Variants in LBP observed in about 807,000 individuals in gnomAD.
LBP encodes lipopolysaccharide binding protein, also known as lipopolysaccharide-binding protein.
A neutral mutation model predicts 56.6 loss-of-function variants in LBP; 53 were observed. That is an observed-to-expected ratio of 0.94 (90% CI 0.75 to 1.18). The LOEUF is 1.18. Ranked by LOEUF, LBP falls within the 50% of genes most tolerant of loss-of-function variation. The probability of loss-of-function intolerance (pLI) is 0.00; values close to 1 mark genes in which losing one functional copy is unlikely to be tolerated. For synonymous variants in LBP, 227 were observed against 247.5 expected (o/e 0.92, Z 0.78); for missense variants, 601 against 598.3 (o/e 1.00, Z -0.05).
Position 38,374,618 on chromosome 20 carries a change from A to G in LBP, c.1401+605A>G, listed in dbSNP as rs2076911801. 6.6e-5 allele frequency among the ~76,000 whole-genome samples: 10 copies of G among 151,448 alleles called. No homozygotes were observed. In the South Asian group the frequency reaches 1.9e-3, roughly 28 times the overall value. On this transcript the variant is annotated intron_variant, in intron 14 of 14. Coordinates refer to ENST00000217407, the MANE Select transcript of LBP (RefSeq NM_004139.5). ...TCAAAAAAAAAAAAAAGAAAGAAAA[A>G]AAAAAGAAAGAAAATACTGTAAGTC...
rs374109956 is a variant in LBP, at chr20:38,366,782, C to T, written c.935C>T (p.Ser312Phe). Residue 312 changes from serine (S) to phenylalanine (F), a missense_variant, in exon 9 of 15, where the codon TCT becomes TTT. Transcript: ENST00000217407. ...SITDDMIPPD[S>F]NIRLTTKSFR... ...TCTTTGCTGCAGATACCGCCTGACTCTAATATCCGACTGACCACCAAGTCC... is the reference window on the plus strand; with the variant it reads ...TCTTTGCTGCAGATACCGCCTGACTTTAATATCCGACTGACCACCAAGTCC... The T allele has an allele frequency of 9.9e-6, 16 of 1,614,026 alleles. No homozygotes were observed. The highest frequency in any genetic ancestry group is 1.3e-5 in the African/African-American group (1 of 74,932).
At chr20:38,349,804 G>A (rs2076814424) in intron 2 of LBP, 142 bp downstream of exon 2, 3 of 611,620 alleles carry the variant, frequency 4.9e-6, no homozygotes, top group South Asian at 2.0e-5. Flanking sequence ...TCCCTGAAGA[G>A]CTCAGAAGGA....
intron 11 of LBP, 54 bp downstream of exon 11, chr20:38,370,859 C>A: frequency 7.2e-7 from 1 of 1,385,490 alleles, no homozygotes; most frequent in South Asian, 1.2e-5. Context: ...CATCTGTATG[C>A]TGTAGCTGCT....
At chr20:38,353,167 T>C (rs1030559136) in intron 3 of LBP, among the ~76,000 whole-genome samples, 2 of 152,226 alleles carry the variant, frequency 1.3e-5, no homozygotes, top group Admixed American at 6.5e-5. Flanking sequence ...TTTTAAAAAT[T>C]GATAGGAAAT....
intron 6 of LBP, among the ~76,000 whole-genome samples, chr20:38,361,976 A>G (rs889697718): frequency 4.6e-5 from 7 of 151,976 alleles, no homozygotes; most frequent in African/African-American, 1.7e-4. Context: ...TTCAAAAGCC[A>G]GAAGGCTTTC....
At chr20:38,359,506 T>C (rs2076852217) in intron 5 of LBP, among the ~76,000 whole-genome samples, 1 of 151,954 alleles carries the variant, frequency 6.6e-6, no homozygotes, top group African/African-American at 2.4e-5. Context: ...CACTTGAACC[T>C]GGGAGGCAGA....
chr20:38,361,386 C>T (rs1292504705), intron 6 of LBP, among the ~76,000 whole-genome samples: 1 of 151,922 alleles, frequency 6.6e-6, no homozygotes, highest in Non-Finnish European at 1.5e-5. Flanking sequence ...TGTTCATATA[C>T]ATATAGTATA....
rs1439501010 is a variant in LBP, at chr20:38,346,522, G to A, written c.6G>A (p.Gly2=). Residue 2 remains glycine (G), a synonymous_variant, in exon 1 of 15, where the codon GGG becomes GGA. Transcript: ENST00000217407. ...CACTGCACTGGGAATCTAGGATGGG[G>A]GCCTTGGCCAGAGCCCTGCCGTCCA... is the stretch of plus-strand genomic sequence containing the variant. M[G]ALARALPSIL... 6.2e-7 allele frequency: 1 copy of A among 1,613,468 alleles called. No individual in the cohort carries two copies. Among genetic ancestry groups the A allele is most frequent in the Non-Finnish European group, 8.5e-7 (1 of 1,179,886 alleles).
At chr20:38,371,389 C>A in intron 12 of LBP, 67 bp downstream of exon 12, 2 of 1,136,476 alleles carry the variant, frequency 1.8e-6, no homozygotes, top group Non-Finnish European at 2.6e-6. Context: ...TAAGCAATTG[C>A]TATGGCACCT....
intron 14 of LBP, among the ~76,000 whole-genome samples, chr20:38,376,089 T>C (rs1305124097): frequency 6.6e-6 from 1 of 152,218 alleles, no homozygotes; most frequent in East Asian, 1.9e-4. Flanking sequence ...TGTGATGATT[T>C]AGAGGGCAAG....
rs6025188 is a variant in LBP at position 38,365,005 on chromosome 20, C to T, written c.921+253C>T. Among the ~76,000 whole-genome samples, 3,128 of 152,162 alleles carry T rather than the reference C, an allele frequency of 0.021. 112 individuals carry two copies. Among genetic ancestry groups the T allele is most frequent in the African/African-American group, 0.071 (2,930 of 41,506 alleles). On this transcript the variant is annotated intron_variant, in intron 8 of 14. Coordinates refer to ENST00000217407, the MANE Select transcript of LBP (RefSeq NM_004139.5). ...ATCTCAGCACTTTGGGAGCCTGAGG[C>T]GGGCGGATCACTTGAGGTCAGGAGC... is the stretch of plus-strand genomic sequence containing the variant.
rs111633395 is a variant in LBP, at chr20:38,362,356, T to C, written c.652+1589T>C. ...TTGCAGGCGTGAGAGCTCACGCCTG[T>C]AATCCCAACATTTAGGGAGGCCGAG... On this transcript the variant is annotated intron_variant, in intron 6 of 14. Coordinates refer to ENST00000217407, the MANE Select transcript of LBP (RefSeq NM_004139.5). Among the ~76,000 whole-genome samples, 884 of 140,944 alleles carry C rather than the reference T, an allele frequency of 6.3e-3. 7 individuals carry two copies. The highest frequency in any genetic ancestry group is 0.022 in the African/African-American group (853 of 38,948). The allele number at this position is 140,944 out of a possible 152,430, so 92.5% of individuals were successfully genotyped here.
At chr20:38,352,382 T>C (rs887332098) in intron 3 of LBP, among the ~76,000 whole-genome samples, 1 of 150,578 alleles carries the variant, frequency 6.6e-6, no homozygotes, top group African/African-American at 2.5e-5. Flanking sequence ...ACTTGAAAAG[T>C]GCCTGGTACA....
chr20:38,355,767 A>C (rs887943340), intron 5 of LBP, among the ~76,000 whole-genome samples: 1 of 151,988 alleles, frequency 6.6e-6, no homozygotes, highest in African/African-American at 2.4e-5. Flanking sequence ...CCTGCAAGAG[A>C]CCAGGCAGGA....
chr20:38,365,709 A>AT (rs1238653413), intron 8 of LBP, among the ~76,000 whole-genome samples: 60 of 64,130 alleles, frequency 9.4e-4, no homozygotes, highest in Non-Finnish European at 1.5e-3. Context: ...AAAAAAAAAA[A>AT]AAAAAAAAAT....
chr20:38,360,369 G>A (rs1466977992), intron 5 of LBP, among the ~76,000 whole-genome samples: 1 of 152,146 alleles, frequency 6.6e-6, no homozygotes, highest in Non-Finnish European at 1.5e-5. Flanking sequence ...GAGAGGCCAG[G>A]ACCTCCCAAA....
chr20:38,347,643 T>C (rs1302923410), intron 1 of LBP, among the ~76,000 whole-genome samples: 1 of 152,202 alleles, frequency 6.6e-6, no homozygotes, highest in African/African-American at 2.4e-5. Context: ...GCATGGGAAC[T>C]GGGATATTTA....
At chr20:38,368,830 T>C (rs1354097719) in intron 9 of LBP, among the ~76,000 whole-genome samples, 165 bp from the exon 10 acceptor site, 1 of 152,140 alleles carries the variant, frequency 6.6e-6, no homozygotes, top group Non-Finnish European at 1.5e-5. Flanking sequence ...GTGTCTGACA[T>C]GGAGAGATGG....
chr20:38,349,398 C>T (rs1407895526), intron 1 of LBP, 150 bp from the exon 2 acceptor site: 1 of 652,272 alleles, frequency 1.5e-6, no homozygotes, highest in Non-Finnish European at 2.8e-6. Flanking sequence ...TGCTACCTGG[C>T]ACACAGAGGG....
Sources: gnomAD v4.1 joint callset for allele counts (sites outside exome capture counted in the v4.1 genomes callset) on GRCh38, gnomAD v4.1.1 for gene constraint, MANE v1.5 for transcripts, NCBI Gene and HGNC (gene_info 2026-07-23, HGNC 2026-07-21) for gene names.